FSTL5: variants seen among roughly 807,000 people sequenced by gnomAD.
FSTL5 encodes follistatin like 5, also known as follistatin-related protein 5.
Under a neutral mutation model 89.1 loss-of-function variants are expected in FSTL5, and 62 were observed. The ratio of observed to expected loss-of-function variants is 0.70; its 90% CI spans 0.57 to 0.86. FSTL5 has a LOEUF of 0.86. FSTL5 is among the 40% of genes least tolerant of loss of function. FSTL5 has a pLI of 0.00. For synonymous variants in FSTL5, 383 were observed against 346.2 expected (o/e 1.11, Z -1.18); for missense variants, 1,057 against 1,001.6 (o/e 1.06, Z -0.75).
intron 4 of FSTL5, among the ~76,000 whole-genome samples, chr4:161,813,989 T>C (rs988008874): frequency 3.3e-5 from 5 of 151,184 alleles, no homozygotes. Flanking sequence ...ATATAGGAAT[T>C]CAAAGATGAA....
rs75029048 is a variant in FSTL5 at position 162,147,536 on chromosome 4, C to G, written c.-17+16079G>C. Among the ~76,000 whole-genome samples the G allele has an allele frequency of 1.6e-4, 25 of 152,082 alleles. 1 individual carries two copies. In the South Asian group the frequency reaches 5.2e-3, roughly 32 times the overall value. On this transcript the variant is annotated intron_variant, in intron 1 of 15. Coordinates refer to ENST00000306100, the MANE Select transcript of FSTL5 (RefSeq NM_020116.5). The stretch of plus-strand genomic sequence containing the variant: ...ACAGAATTATACAATCACTCTATTG[C>G]TATAAGAAAATACAAAATAAAGTGA...
In FSTL5 at chr4:161,426,906, G is replaced by A. The variant is rs549017028; in HGVS notation, c.1841+28098C>T. Among the ~76,000 whole-genome samples the A allele has an allele frequency of 2.0e-5, 3 of 152,178 alleles. No homozygotes were observed. The South Asian group carries it at 6.2e-4, about 32-fold the overall frequency. ...TAAAATACACATATTTTTTACCAAA[G>A]ATCATTTAAATATAAATTACATCAA... On this transcript the variant is annotated intron_variant, in intron 15 of 15. Transcript: ENST00000306100.
chr4:161,487,248 A>G (rs1161321080), intron 12 of FSTL5, among the ~76,000 whole-genome samples: 1 of 152,216 alleles, frequency 6.6e-6, no homozygotes, highest in Non-Finnish European at 1.5e-5. Flanking sequence ...TATAATAGCC[A>G]AAAAGAAAAA....
chr4:161,923,625 T>C (rs1221520683), intron 3 of FSTL5, among the ~76,000 whole-genome samples: 1 of 151,844 alleles, frequency 6.6e-6, no homozygotes, highest in African/African-American at 2.4e-5. Flanking sequence ...AATGAGCTAA[T>C]GTTTTAAGAG....
At chr4:161,813,688 T>C (rs1216621990) in intron 4 of FSTL5, among the ~76,000 whole-genome samples, 1 of 152,174 alleles carries the variant, frequency 6.6e-6, no homozygotes, top group Non-Finnish European at 1.5e-5. Flanking sequence ...CCTTAGTTAT[T>C]TTATCTAAAT....
intron 1 of FSTL5, among the ~76,000 whole-genome samples, chr4:162,125,258 A>C (rs768263439): frequency 1.9e-4 from 29 of 152,198 alleles, no homozygotes; most frequent in Admixed American, 5.2e-4. Flanking sequence ...CAATTCACTG[A>C]CTTATTTAAT....
chr4:161,515,806 T>G (rs896952141), intron 10 of FSTL5, among the ~76,000 whole-genome samples: 2 of 151,458 alleles, frequency 1.3e-5, no homozygotes, highest in Admixed American at 6.6e-5. Context: ...TACAGGTGTA[T>G]GTGTATGTGT....
intron 3 of FSTL5, among the ~76,000 whole-genome samples, chr4:162,031,058 G>A (rs1229190598): frequency 1.3e-5 from 2 of 152,064 alleles, no homozygotes; most frequent in Non-Finnish European, 2.9e-5. Flanking sequence ...TGGCTACCTG[G>A]TAGTTGACCC....
chr4:161,696,906 T>C (rs1292417546), intron 6 of FSTL5, among the ~76,000 whole-genome samples: 1 of 152,204 alleles, frequency 6.6e-6, no homozygotes, highest in East Asian at 1.9e-4. Flanking sequence ...CAACAACTGT[T>C]TGACTTTTTC....
At chr4:161,402,238 T>C (rs1034103455) in intron 15 of FSTL5, among the ~76,000 whole-genome samples, 6 of 152,198 alleles carry the variant, frequency 3.9e-5, no homozygotes, top group Non-Finnish European at 7.3e-5. Flanking sequence ...AAAGCAATCA[T>C]TTAATAAATT....
chr4:161,950,071 G>T (rs1289266122), intron 3 of FSTL5, among the ~76,000 whole-genome samples: 1 of 151,986 alleles, frequency 6.6e-6, no homozygotes, highest in Non-Finnish European at 1.5e-5. Flanking sequence ...TTCTTTTGGG[G>T]CAATAATGTG....
At chr4:161,449,909 G>T (rs1375020326) in intron 15 of FSTL5, among the ~76,000 whole-genome samples, 2 of 152,008 alleles carry the variant, frequency 1.3e-5, no homozygotes, top group Non-Finnish European at 2.9e-5. Context: ...CATCTTATTC[G>T]TGCTACGTCA....
intron 1 of FSTL5, among the ~76,000 whole-genome samples, chr4:162,149,479 TA>T (rs946194086): frequency 8.1e-4 from 72 of 89,050 alleles, no homozygotes; most frequent in Middle Eastern, 4.9e-3. Flanking sequence ...ATGTAAAATT[TA>T]AAAAAAAAAA....
intron 4 of FSTL5, among the ~76,000 whole-genome samples, chr4:161,821,056 GAC>G (rs1221962408): frequency 1.3e-5 from 2 of 151,488 alleles, no homozygotes; most frequent in East Asian, 1.9e-4. Flanking sequence ...TGTTTGTTTT[GAC>G]ACAGAGTCTC....
chr4:161,750,659 A>G (rs1740362548), intron 6 of FSTL5, among the ~76,000 whole-genome samples: 1 of 152,224 alleles, frequency 6.6e-6, no homozygotes, highest in Non-Finnish European at 1.5e-5. Context: ...AAAAATTATG[A>G]TTTTCAAACA....
chr4:161,990,413 TAA>T (rs1216802938), intron 3 of FSTL5, among the ~76,000 whole-genome samples: 1 of 152,112 alleles, frequency 6.6e-6, no homozygotes, highest in Non-Finnish European at 1.5e-5. Flanking sequence ...TATAAAAAGT[TAA>T]AAGATATTTA....
chr4:161,452,712 A>T (rs945467881), intron 15 of FSTL5, among the ~76,000 whole-genome samples: 1 of 152,304 alleles, frequency 6.6e-6, no homozygotes, highest in South Asian at 2.1e-4. Flanking sequence ...TTAAAATGGG[A>T]TTCTACATGC....
chr4:161,837,112 T>A (rs1268706272), intron 4 of FSTL5, among the ~76,000 whole-genome samples: 1 of 152,096 alleles, frequency 6.6e-6, no homozygotes, highest in East Asian at 1.9e-4. Flanking sequence ...GAGAAAAGTA[T>A]TTATGTTGAA....
At chr4:161,754,480 T>G (rs1379163231) in intron 6 of FSTL5, among the ~76,000 whole-genome samples, 1 of 152,132 alleles carries the variant, frequency 6.6e-6, no homozygotes, top group Non-Finnish European at 1.5e-5. Flanking sequence ...CATACAGTTT[T>G]AAAAGTTCAT....
Sources: gnomAD v4.1 joint callset for allele counts (sites outside exome capture counted in the v4.1 genomes callset) on GRCh38, gnomAD v4.1.1 for gene constraint, MANE v1.5 for transcripts, NCBI Gene and HGNC (gene_info 2026-07-23, HGNC 2026-07-21) for gene names.